RHPN2: variants seen among roughly 807,000 people sequenced by gnomAD.
The protein encoded by RHPN2 is rhophilin-2.
A neutral mutation model predicts 79.0 loss-of-function variants in RHPN2; 40 were observed. The observed-to-expected ratio is 0.51, with a 90% CI of 0.39 to 0.66. RHPN2 has a LOEUF of 0.66. Ranked by LOEUF, RHPN2 falls within the 30% of genes least tolerant of loss-of-function variation. The pLI, the probability that RHPN2 is intolerant of heterozygous loss-of-function variation, is 0.00. For missense variants in RHPN2, 686 were observed against 883.5 expected (o/e 0.78, Z 2.83); for synonymous variants, 285 against 363.5 (o/e 0.78, Z 2.46).
At position 33,021,591 on chromosome 19, in the gene RHPN2, C is replaced by A. The variant is rs199832226; in HGVS notation, c.370G>T (p.Asp124Tyr). The A allele has an allele frequency of 2.5e-6, 4 of 1,613,770 alleles. No homozygotes were observed. In the African/African-American group the frequency reaches 5.3e-5, roughly 22 times the overall value. ...TTTACCTTGAGGACGACTGCAAAGT[C>A]GACGTCTTTCGTTTCCTTCAGGCCA... is the stretch of plus-strand genomic sequence containing the variant. ...PLGLKETKDV[D>Y]FAVVLKDFIL... Residue 124 changes from aspartate (D) to tyrosine (Y), a missense_variant, in exon 4 of 15, where the codon GAC becomes TAC. Asp to Tyr is a radical substitution (Grantham distance 160, BLOSUM62 -3). Coordinates refer to ENST00000254260, the MANE Select transcript of RHPN2 (RefSeq NM_033103.5).
chr19:33,004,498 A>G (rs1169137253), intron 7 of RHPN2, among the ~76,000 whole-genome samples: 2 of 152,122 alleles, frequency 1.3e-5, no homozygotes, highest in Admixed American at 6.6e-5. Context: ...AAAATTTAAG[A>G]TAATAATTAA....
At chr19:33,047,012 C>G (rs1972147947) in intron 1 of RHPN2, among the ~76,000 whole-genome samples, 1 of 152,100 alleles carries the variant, frequency 6.6e-6, no homozygotes, top group Non-Finnish European at 1.5e-5. Context: ...TGCATGCCAC[C>G]ACGTCCGGCT....
intron 14 of RHPN2, among the ~76,000 whole-genome samples, chr19:32,982,364 G>A (rs574338013): frequency 3.9e-5 from 6 of 152,040 alleles, no homozygotes; most frequent in Admixed American, 2.6e-4. Flanking sequence ...CCCAGATCAC[G>A]CCACTGCACT....
intron 9 of RHPN2, among the ~76,000 whole-genome samples, chr19:33,000,796 T>C (rs1971743266): frequency 6.6e-6 from 1 of 152,120 alleles, no homozygotes; most frequent in Non-Finnish European, 1.5e-5. Context: ...CCTGTGCAGA[T>C]GGAAAAGTTG....
chr19:32,987,620 C>T (rs1191340403), intron 14 of RHPN2, among the ~76,000 whole-genome samples: 2 of 152,206 alleles, frequency 1.3e-5, no homozygotes, highest in Non-Finnish European at 2.9e-5. Flanking sequence ...ACTTGCTTCT[C>T]TTCCAACTGA....
intron 4 of RHPN2, among the ~76,000 whole-genome samples, chr19:33,018,083 G>A (rs1971892253): frequency 6.6e-6 from 1 of 152,104 alleles, no homozygotes; most frequent in Non-Finnish European, 1.5e-5. Context: ...AACCCAGGAG[G>A]TGGAGGTTGC....
At chr19:33,038,462 A>G (rs1328616068) in intron 2 of RHPN2, among the ~76,000 whole-genome samples, 1 of 152,068 alleles carries the variant, frequency 6.6e-6, no homozygotes, top group Non-Finnish European at 1.5e-5. Context: ...AAATGAATAA[A>G]TATAAAAATT....
At chr19:33,040,490 G>A (rs1434104674) in intron 2 of RHPN2, among the ~76,000 whole-genome samples, 2 of 151,782 alleles carry the variant, frequency 1.3e-5, no homozygotes, top group African/African-American at 2.4e-5. Flanking sequence ...CGCCCACCTC[G>A]GCCTCCCAAA....
chr19:33,013,820 G>A (rs1034734613), intron 4 of RHPN2, among the ~76,000 whole-genome samples: 1 of 152,066 alleles, frequency 6.6e-6, no homozygotes, highest in African/African-American at 2.4e-5. Flanking sequence ...CCTTTGCCAA[G>A]AAGACCCTTA....
At chr19:33,024,607 A>C (rs560390494) in intron 3 of RHPN2, among the ~76,000 whole-genome samples, 1 of 152,278 alleles carries the variant, frequency 6.6e-6, no homozygotes, top group African/African-American at 2.4e-5. Flanking sequence ...CACACATTCC[A>C]TAGGTGACTC....
intron 1 of RHPN2, among the ~76,000 whole-genome samples, chr19:33,057,975 C>T (rs931261119): frequency 6.6e-6 from 1 of 152,080 alleles, no homozygotes. Context: ...GCCTGGACAA[C>T]ATAGTGAAAC....
intron 4 of RHPN2, among the ~76,000 whole-genome samples, chr19:33,013,937 C>T (rs866478093): frequency 6.6e-6 from 1 of 151,696 alleles, no homozygotes. Flanking sequence ...TGCAGTGGTG[C>T]GATCGCGGCT....
intron 14 of RHPN2, among the ~76,000 whole-genome samples, chr19:32,981,735 C>A (rs1270046507): frequency 2.4e-5 from 3 of 123,812 alleles, no homozygotes; most frequent in African/African-American, 9.5e-5. Context: ...AAGATGGAGT[C>A]TCGCTCTGTC....
chr19:33,013,621 G>A (rs535490914), intron 4 of RHPN2, among the ~76,000 whole-genome samples: 2 of 152,224 alleles, frequency 1.3e-5, no homozygotes, highest in East Asian at 1.9e-4. Flanking sequence ...GTGAAGACCA[G>A]GCAGGTAAAT....
chr19:32,993,839 GA>G, intron 12 of RHPN2, 137 bp downstream of exon 12: 1 of 714,770 alleles, frequency 1.4e-6, no homozygotes, highest in Non-Finnish European at 2.6e-6. Flanking sequence ...CCGGAACTAA[GA>G]AATATATTTC....
chr19:33,027,386 C>T (rs1971977503), intron 2 of RHPN2: 1 of 152,516 alleles, frequency 6.6e-6, no homozygotes, highest in African/African-American at 2.4e-5. Context: ...GTGGTGCATG[C>T]CTATAGTCCC....
At chr19:33,002,123 C>T (rs1170288180) in intron 9 of RHPN2, 124 bp downstream of exon 9, 4 of 1,227,124 alleles carry the variant, frequency 3.3e-6, no homozygotes, top group Admixed American at 2.0e-5. Context: ...GGGTCACTCC[C>T]ATCCTCTGCC....
intron 4 of RHPN2, among the ~76,000 whole-genome samples, chr19:33,018,450 T>C (rs1253507126): frequency 6.6e-6 from 1 of 152,216 alleles, no homozygotes; most frequent in Non-Finnish European, 1.5e-5. Flanking sequence ...ATTATAGGCA[T>C]GAGCCATTGC....
intron 9 of RHPN2, among the ~76,000 whole-genome samples, chr19:33,000,382 G>A (rs1197173320): frequency 6.6e-5 from 10 of 151,858 alleles, no homozygotes; most frequent in South Asian, 2.1e-4. Context: ...CACCATGCCC[G>A]GCTAATTTTT....
Sources: gnomAD v4.1 joint callset for allele counts (sites outside exome capture counted in the v4.1 genomes callset) on GRCh38, gnomAD v4.1.1 for gene constraint, MANE v1.5 for transcripts, NCBI Gene and HGNC (gene_info 2026-07-23, HGNC 2026-07-21) for gene names.